The following OTUD7A variants were observed in gnomAD, a reference collection of about 807,000 sequenced individuals.
OTUD7A encodes OTU deubiquitinase 7A.
In OTUD7A, 12 loss-of-function variants were observed where a neutral mutation model predicts 65.7. That is an observed-to-expected ratio of 0.18 (90% CI 0.12 to 0.30). OTUD7A has a LOEUF of 0.30. OTUD7A is among the 10% of genes least tolerant of loss of function. The pLI is 1.00. For missense variants in OTUD7A, 1,148 were observed against 1,304.8 expected, an observed-to-expected ratio of 0.88 and a Z score of 1.85; for synonymous variants, 641 against 586.3, an observed-to-expected ratio of 1.09 and a Z score of -1.35.
chr15:31,635,515 C>T (rs1456980772), intron 3 of OTUD7A, among the ~76,000 whole-genome samples: 1 of 152,166 alleles, frequency 6.6e-6, no homozygotes, highest in African/African-American at 2.4e-5. Flanking sequence ...GCAGAGAGCC[C>T]CGACACTGCC....
rs545161458 is a variant in OTUD7A, at chr15:31,839,879, T to C, written c.-100+30628A>G. 1.1e-4 allele frequency among the ~76,000 whole-genome samples: 16 copies of C among 152,352 alleles called. No individual in the cohort carries two copies. In the South Asian group the frequency reaches 3.1e-3, roughly 30 times the overall value. Reference sequence around the variant, plus strand: ...ATCTTGTAATAACTTCCCTGGGAGATACTGTGGGCACTCACTTAATAGATA... The same window carrying C: ...ATCTTGTAATAACTTCCCTGGGAGACACTGTGGGCACTCACTTAATAGATA... On this transcript the variant is annotated intron_variant, in intron 1 of 12. Transcript: ENST00000307050.
At chr15:31,684,333 T>G (rs1781435040) in intron 1 of OTUD7A, among the ~76,000 whole-genome samples, 1 of 152,044 alleles carries the variant, frequency 6.6e-6, no homozygotes, top group Admixed American at 6.5e-5. Flanking sequence ...GAAGCATATA[T>G]CCAAGAACAA....
At chr15:31,567,861 C>G (rs73372595) in intron 4 of OTUD7A, among the ~76,000 whole-genome samples, 9,124 of 152,316 alleles carry the variant, frequency 0.06, 927 homozygotes, top group African/African-American at 0.21. Flanking sequence ...AAGCCATAAG[C>G]CTTGGTGACT....
At position 31,624,650 on chromosome 15, in the gene OTUD7A, G is replaced by A. The variant is rs190814948; in HGVS notation, c.151+30446C>T. On this transcript the variant is annotated intron_variant, in intron 3 of 12. Transcript: ENST00000307050. The stretch of plus-strand genomic sequence containing the variant: ...CTATTATGTTCCATTTCAGTGTTGC[G>A]GATACCTTGTTTCATTCATTCATAC... 4.9e-3 allele frequency among the ~76,000 whole-genome samples: 745 copies of A among 152,138 alleles called. 6 individuals carry two copies. Among genetic ancestry groups the A allele is most frequent in the Middle Eastern group, 0.01 (3 of 294 alleles).
At chr15:31,604,481 A>G (rs1890176807) in intron 3 of OTUD7A, among the ~76,000 whole-genome samples, 1 of 152,148 alleles carries the variant, frequency 6.6e-6, no homozygotes, top group Non-Finnish European at 1.5e-5. Context: ...CATTAGGAGA[A>G]ATACCTAATG....
intron 1 of OTUD7A, among the ~76,000 whole-genome samples, chr15:31,762,703 C>T (rs1894999912): frequency 6.6e-6 from 1 of 152,208 alleles, no homozygotes. Context: ...GAACCACATC[C>T]CTGAAAGGGT....
chr15:31,558,695 A>G, intron 5 of OTUD7A: 1 of 523,098 alleles, frequency 1.9e-6, no homozygotes, highest in East Asian at 3.1e-5. Context: ...AAAGAAGCAT[A>G]GAGTTCTCCT....
intron 5 of OTUD7A, among the ~76,000 whole-genome samples, chr15:31,543,967 A>T (rs1034054526): frequency 4.6e-5 from 7 of 151,890 alleles, no homozygotes; most frequent in Non-Finnish European, 7.4e-5. Context: ...GAATGATTTT[A>T]AAAAAACTGA....
intron 8 of OTUD7A, among the ~76,000 whole-genome samples, chr15:31,510,345 C>T (rs1486824677): frequency 2.0e-5 from 3 of 151,454 alleles, no homozygotes; most frequent in Non-Finnish European, 4.4e-5. Context: ...TTTTGGTGTG[C>T]CTGGCTGTCT....
At chr15:31,792,713 G>GT (rs1258682566) in intron 1 of OTUD7A, among the ~76,000 whole-genome samples, 1 of 152,160 alleles carries the variant, frequency 6.6e-6, no homozygotes, top group Non-Finnish European at 1.5e-5. Context: ...TCTTCTTTAT[G>GT]TGTATGTGTG....
chr15:31,648,083 G>A (rs192082787), intron 3 of OTUD7A, among the ~76,000 whole-genome samples: 3 of 152,216 alleles, frequency 2.0e-5, no homozygotes, highest in East Asian at 1.9e-4. Context: ...GGAGGAAATG[G>A]AGTTACCTGA....
chr15:31,860,697 A>ATG (rs1897714225), intron 1 of OTUD7A, among the ~76,000 whole-genome samples: 1 of 129,760 alleles, frequency 7.7e-6, no homozygotes, highest in Non-Finnish European at 1.6e-5. Flanking sequence ...ATATATATAT[A>ATG]TATGTATGTA....
intron 3 of OTUD7A, among the ~76,000 whole-genome samples, chr15:31,622,296 T>C (rs1890813157): frequency 1.3e-5 from 2 of 152,306 alleles, no homozygotes; most frequent in South Asian, 4.1e-4. Context: ...ATTTCCTGAA[T>C]GTGAATGTTG....
intron 3 of OTUD7A, among the ~76,000 whole-genome samples, chr15:31,640,970 A>C (rs1891497167): frequency 6.6e-6 from 1 of 152,112 alleles, no homozygotes; most frequent in African/African-American, 2.4e-5. Context: ...CTGTACTCTT[A>C]TGAGTTTTAA....
intron 1 of OTUD7A, among the ~76,000 whole-genome samples, chr15:31,855,130 A>G (rs1347598008): frequency 6.6e-6 from 1 of 151,780 alleles, no homozygotes; most frequent in Non-Finnish European, 1.5e-5. Flanking sequence ...CTTCTGAAAT[A>G]AACTGACTTA....
intron 5 of OTUD7A, among the ~76,000 whole-genome samples, chr15:31,537,062 A>T (rs1396402809): frequency 6.6e-6 from 1 of 152,222 alleles, no homozygotes; most frequent in Admixed American, 6.5e-5. Flanking sequence ...ATCTAATTTT[A>T]ATAAAAGGTG....
intron 1 of OTUD7A, among the ~76,000 whole-genome samples, chr15:31,801,053 CAAA>C (rs772401103): frequency 6.6e-5 from 6 of 91,312 alleles, no homozygotes; most frequent in East Asian, 2.6e-4. Flanking sequence ...CCAGCAGCCT[CAAA>C]AAAAAAAAAA....
chr15:31,749,801 T>C (rs1162369269), intron 1 of OTUD7A, among the ~76,000 whole-genome samples: 1 of 152,052 alleles, frequency 6.6e-6, no homozygotes, highest in African/African-American at 2.4e-5. Flanking sequence ...CATAATTCCA[T>C]ACCTTGTAAA....
intron 5 of OTUD7A, among the ~76,000 whole-genome samples, chr15:31,533,151 C>T (rs1029601848): frequency 5.3e-5 from 8 of 152,010 alleles, no homozygotes; most frequent in African/African-American, 1.4e-4. Context: ...GGAGAAACAA[C>T]GCCTTACTTA....
Sources: allele counts gnomAD v4.1 joint callset (sites outside exome capture counted in the v4.1 genomes callset), GRCh38; gene constraint gnomAD v4.1.1; transcripts MANE v1.5; gene names NCBI Gene and HGNC (gene_info 2026-07-23, HGNC 2026-07-21).